Variants in IPP observed in about 807,000 individuals in gnomAD.
The protein encoded by IPP is intracisternal A particle-promoted polypeptide.
A neutral mutation model predicts 64.1 loss-of-function variants in IPP; 41 were observed. The observed-to-expected ratio is 0.64, with a 90% CI of 0.50 to 0.83. IPP has a LOEUF of 0.83. Ranked by LOEUF, IPP falls within the 40% of genes least tolerant of loss-of-function variation. The pLI, the probability that IPP is intolerant of heterozygous loss-of-function variation, is 0.00. For missense variants in IPP, 649 were observed against 703.0 expected, an observed-to-expected ratio of 0.92 and a Z score of 0.87; for synonymous variants, 214 against 235.2, an observed-to-expected ratio of 0.91 and a Z score of 0.83.
chr1:45,695,710 C>T (rs1035504728), downstream of IPP, among the ~76,000 whole-genome samples: 2 of 151,860 alleles, frequency 1.3e-5, no homozygotes, highest in Non-Finnish European at 2.9e-5. Context: ...ACTCTTGTTG[C>T]CCAGGCTGGA....
In IPP at chr1:45,702,355, C is replaced by T. The variant is rs1645466661; in HGVS notation, c.1531-2165G>A. Among the ~76,000 whole-genome samples, 3 of 150,364 alleles carry T rather than the reference C, an allele frequency of 2.0e-5. No individual in the cohort carries two copies. In the South Asian group the frequency reaches 6.2e-4, roughly 31 times the overall value. On this transcript the variant is annotated intron_variant, in intron 8 of 8. Coordinates refer to ENST00000396478, the MANE Select transcript of IPP (RefSeq NM_005897.3). ...AGAACACTAACAAGTTTTACATTATCTTTTCTGGATTTGTAACACAAATTG... is the reference window on the plus strand; with the variant it reads ...AGAACACTAACAAGTTTTACATTATTTTTTCTGGATTTGTAACACAAATTG...
chr1:45,737,581 C>T lies in IPP; in HGVS notation c.724+3320G>A, dbSNP rs192583670. Among the ~76,000 whole-genome samples, 4 of 151,838 alleles carry T rather than the reference C, an allele frequency of 2.6e-5. No homozygotes were observed. The East Asian group carries it at 5.8e-4, about 22-fold the overall frequency. On this transcript the variant is annotated intron_variant, in intron 3 of 8. Transcript: ENST00000396478. Reference sequence around the variant, plus strand: ...GTTCAAGTGACCTTCCCACCTCAGCCCCATGAATAGCTGGGTCTACAAGCA... The same window carrying T: ...GTTCAAGTGACCTTCCCACCTCAGCTCCATGAATAGCTGGGTCTACAAGCA...
In IPP at chr1:45,700,057, G is replaced by A. The variant is rs1645431267; in HGVS notation, c.1664C>T (p.Ser555Leu). The A allele has an allele frequency of 6.2e-7, 1 of 1,614,118 alleles. No homozygotes were observed. Among genetic ancestry groups the A allele is most frequent in the Non-Finnish European group, 8.5e-7 (1 of 1,180,024 alleles). The change falls in exon 9 of 9, where the codon TCA becomes TTA. Residue 555 changes from serine (S) to leucine (L), a missense_variant. Coordinates refer to ENST00000396478, the MANE Select transcript of IPP (RefSeq NM_005897.3). ...TGAATGAGGGTTATAAACTTCAACT[G>A]AGTCCAAGGTACCTGGAGCCAAAAA... ...HDFLAPGTLD[S>L]VEVYNPHSDT...
chr1:45,725,135 G>A lies in IPP; in HGVS notation c.1048+2496C>T, dbSNP rs1477178554. 4.1e-5 allele frequency among the ~76,000 whole-genome samples: 5 copies of A among 121,624 alleles called. 1 individual carries two copies. Among genetic ancestry groups the A allele is most frequent in the Non-Finnish European group, 8.6e-5 (5 of 58,324 alleles). 79.8% of individuals were successfully genotyped at this position (121,624 alleles called of 152,430 possible). On this transcript the variant is annotated intron_variant, in intron 5 of 8. Coordinates refer to ENST00000396478, the MANE Select transcript of IPP (RefSeq NM_005897.3). ...GGGAGGGGGGGTCAGCCCCCCGCCC[G>A]GCCAGCCGCCCCGTCCGGGAGTGGG...
chr1:45,746,335 T>C lies in IPP; in HGVS notation c.77A>G (p.Gln26Arg). Residue 26 changes from glutamine (Q) to arginine (R), a missense_variant, in exon 2 of 9, where the codon CAA becomes CGA. Coordinates refer to ENST00000396478, the MANE Select transcript of IPP (RefSeq NM_005897.3). ...CTGTCCATTTCTCATCTTATTGATTTGGGCCAAGATGAGTTGGGCATGTTT... is the reference window on the plus strand; with the variant it reads ...CTGTCCATTTCTCATCTTATTGATTCGGGCCAAGATGAGTTGGGCATGTTT... ...SDKHAQLILAQINKMRNGQHF... is the reference protein window; with the variant it reads ...SDKHAQLILARINKMRNGQHF... The C allele has an allele frequency of 6.2e-7, 1 of 1,614,044 alleles. No homozygotes were observed. The highest frequency in any genetic ancestry group is 8.5e-7 in the Non-Finnish European group (1 of 1,179,902).
At chr1:45,695,768 G>C (rs1298553475), downstream of IPP, among the ~76,000 whole-genome samples, 1 of 151,710 alleles carries the variant, frequency 6.6e-6, no homozygotes, top group Admixed American at 6.6e-5. Flanking sequence ...CTCCCGTGTT[G>C]AAGCGATTCT....
intron 5 of IPP, among the ~76,000 whole-genome samples, chr1:45,725,354 C>T (rs1377763589): frequency 2.1e-5 from 3 of 146,046 alleles, no homozygotes; most frequent in Non-Finnish European, 3.0e-5. Context: ...GTCAGCCCCC[C>T]GCCCGGCCAG....
chr1:45,730,164 G>A (rs1645888095), intron 3 of IPP, among the ~76,000 whole-genome samples: 1 of 152,072 alleles, frequency 6.6e-6, no homozygotes, highest in African/African-American at 2.4e-5. Context: ...CCTGGCCAAT[G>A]TGGTGAATGA....
intron 3 of IPP, among the ~76,000 whole-genome samples, chr1:45,735,574 T>C (rs555067952): frequency 1.2e-4 from 18 of 145,354 alleles, no homozygotes; most frequent in Middle Eastern, 3.5e-3. Flanking sequence ...CTTGGCTCAA[T>C]TGATCCTCCT....
rs752204943 is a variant in IPP at position 45,700,103 on chromosome 1, C to T, written c.1618G>A (p.Gly540Ser). ...AAAAAATCATGGCTGGAAGATCGAC[C>T]TCCAGAAACATACAGAAGACCATTG... ...AVNGLLYVSG[G>S]RSSSHDFLAP... is the part of the protein sequence containing the mutation. The change falls in exon 9 of 9, where the codon GGT becomes AGT. Residue 540 changes from glycine to serine, a missense_variant. Physicochemically the swap from Gly to Ser is moderately conservative, Grantham distance 56 (BLOSUM62 0). Coordinates refer to ENST00000396478, the MANE Select transcript of IPP (RefSeq NM_005897.3). The T allele has an allele frequency of 6.2e-7, 1 of 1,614,084 alleles. No homozygotes were observed. Among genetic ancestry groups the T allele is most frequent in the Non-Finnish European group, 8.5e-7 (1 of 1,180,026 alleles).
chr1:45,734,381 A>G (rs1645948607), intron 3 of IPP, among the ~76,000 whole-genome samples: 1 of 151,666 alleles, frequency 6.6e-6, no homozygotes, highest in Non-Finnish European at 1.5e-5. Flanking sequence ...ATTTAGGTAA[A>G]TTTTTTGTAT....
intron 3 of IPP, among the ~76,000 whole-genome samples, chr1:45,736,015 G>A (rs1317617641): frequency 6.6e-6 from 1 of 151,316 alleles, no homozygotes; most frequent in Admixed American, 6.6e-5. Context: ...GGAGGCTGAG[G>A]CAGGAGAATC....
rs902277917 is a variant in IPP at position 45,699,915 on chromosome 1, T to A, written c.*51A>T. 3.1e-6 allele frequency: 5 copies of A among 1,593,012 alleles called. No individual in the cohort carries two copies. The African/African-American group carries it at 6.7e-5, about 21-fold the overall frequency. On this transcript the variant is annotated 3_prime_UTR_variant, in exon 9 of 9. Coordinates refer to ENST00000396478, the MANE Select transcript of IPP (RefSeq NM_005897.3). ...AAATCTATGTTTGCTTTGCAAAAGG[T>A]CAGGTCCTGCATTTTCAAAATGTTC...
chr1:45,709,675 A>T (rs1230796836), intron 8 of IPP, among the ~76,000 whole-genome samples: 2 of 137,426 alleles, frequency 1.5e-5, no homozygotes, highest in Non-Finnish European at 3.2e-5. Context: ...AAATACAAAA[A>T]AATTAGCTGG....
chr1:45,742,672 T>C (rs1410696757), intron 2 of IPP, among the ~76,000 whole-genome samples: 1 of 152,010 alleles, frequency 6.6e-6, no homozygotes, highest in African/African-American at 2.4e-5. Flanking sequence ...TAGCTGGTAC[T>C]ACAGACACTC....
chr1:45,734,677 T>A (rs957621161), intron 3 of IPP, among the ~76,000 whole-genome samples: 2 of 152,214 alleles, frequency 1.3e-5, no homozygotes, highest in African/African-American at 4.8e-5. Context: ...TGGAGCGCAG[T>A]GGTGAGATCT....
chr1:45,727,682 G>A lies in IPP; in HGVS notation c.997C>T (p.Arg333Ter), dbSNP rs1645848288. 2 of 1,593,930 alleles carry A rather than the reference G, an allele frequency of 1.3e-6. No individual in the cohort carries two copies. Among genetic ancestry groups the A allele is most frequent in the Admixed American group, 1.7e-5 (1 of 59,734 alleles). Residue 333 changes from arginine (R) to a stop codon, truncating the protein, a stop_gained, in exon 5 of 9, where the codon CGA (arginine) becomes TGA (stop). Transcript: ENST00000396478. LOFTEE classifies it high-confidence loss of function. ...AGAACTGTTACTCCCAGCCCACTTC[G>A]AGCCTGATGAAGTGAAGACACAGTG... is the stretch of plus-strand genomic sequence containing the variant. Reference protein sequence around the residue: ...WTTVSSLHQARSGLGVTVLGG... With the variant: ...WTTVSSLHQA
At chr1:45,728,126 CTGTGTGTGTGTG>C (rs371114917) in intron 4 of IPP, among the ~76,000 whole-genome samples, 253 of 132,274 alleles carry the variant, frequency 1.9e-3, no homozygotes, top group African/African-American at 2.3e-3. Context: ...GAGTTGAAAG[CTGTGTGTGTGTG>C]TGTGTGTGTG....
At chr1:45,723,482 A>G (rs1188209239) in intron 5 of IPP, among the ~76,000 whole-genome samples, 1 of 152,204 alleles carries the variant, frequency 6.6e-6, no homozygotes, top group Non-Finnish European at 1.5e-5. Context: ...AGGACCTCTG[A>G]CCCTAGGTTA....
Sources: allele counts gnomAD v4.1 joint callset (sites outside exome capture counted in the v4.1 genomes callset), GRCh38; gene constraint gnomAD v4.1.1; transcripts MANE v1.5; gene names NCBI Gene and HGNC (gene_info 2026-07-23, HGNC 2026-07-21).